APBB1IP: variants seen among roughly 807,000 people sequenced by gnomAD.
APBB1IP encodes amyloid beta precursor protein binding family B member 1 interacting protein.
A neutral mutation model predicts 64.9 loss-of-function variants in APBB1IP; 27 were observed. That is an observed-to-expected ratio of 0.42 (90% CI 0.31 to 0.57). APBB1IP has a LOEUF of 0.57. APBB1IP is among the 20% of genes least tolerant of loss of function. APBB1IP has a pLI of 0.20. For synonymous variants in APBB1IP, 392 were observed against 331.0 expected (o/e 1.18, Z -2.00); for missense variants, 812 against 845.5 (o/e 0.96, Z 0.49).
intron 8 of APBB1IP, among the ~76,000 whole-genome samples, chr10:26,523,339 C>A (rs1836428467): frequency 6.6e-6 from 1 of 152,170 alleles, no homozygotes; most frequent in South Asian, 2.1e-4. Flanking sequence ...TAGGTACCTT[C>A]TATTATGTTG....
At chr10:26,551,235 T>C (rs1564376323) in intron 11 of APBB1IP, among the ~76,000 whole-genome samples, 1 of 152,198 alleles carries the variant, frequency 6.6e-6, no homozygotes, top group Non-Finnish European at 1.5e-5. Flanking sequence ...TTCAGCCCCG[T>C]TGGTACTTGG....
rs537490161 is a variant in APBB1IP, at chr10:26,526,644, G to A, written c.814-6795G>A. 1.8e-4 allele frequency among the ~76,000 whole-genome samples: 28 copies of A among 152,080 alleles called. No homozygotes were observed. In the South Asian group the frequency reaches 3.1e-3, roughly 17 times the overall value. On this transcript the variant is annotated intron_variant, in intron 8 of 14. Coordinates refer to ENST00000376236, the MANE Select transcript of APBB1IP (RefSeq NM_019043.4). The stretch of plus-strand genomic sequence containing the variant: ...TGAGGCAGGAGAATCGCTTGAACCC[G>A]GGAGGCGGAAGTTGCGGTGAGCCGA...
At chr10:26,467,053 A>G (rs1835656380) in intron 2 of APBB1IP, among the ~76,000 whole-genome samples, 1 of 152,172 alleles carries the variant, frequency 6.6e-6, no homozygotes, top group Non-Finnish European at 1.5e-5. Flanking sequence ...TAAATAATAA[A>G]AAGATGTGAT....
chr10:26,447,789 C>T (rs1372526345), intron 2 of APBB1IP, among the ~76,000 whole-genome samples: 3 of 152,162 alleles, frequency 2.0e-5, no homozygotes, highest in Admixed American at 6.5e-5. Context: ...GGCATGATCA[C>T]AGCCACTCCC....
intron 3 of APBB1IP, among the ~76,000 whole-genome samples, chr10:26,493,292 C>T (rs1189890669): frequency 6.6e-6 from 1 of 152,120 alleles, no homozygotes; most frequent in African/African-American, 2.4e-5. Context: ...TTAACGCAAT[C>T]ATCACAGGGT....
chr10:26,477,257 G>C (rs1835786871), intron 2 of APBB1IP, among the ~76,000 whole-genome samples: 1 of 152,188 alleles, frequency 6.6e-6, no homozygotes, highest in African/African-American at 2.4e-5. Context: ...ATGTCACATG[G>C]TCCCATTATT....
At chr10:26,525,957 C>T (rs1005942717) in intron 8 of APBB1IP, among the ~76,000 whole-genome samples, 6 of 152,096 alleles carry the variant, frequency 3.9e-5, no homozygotes, top group Non-Finnish European at 8.8e-5. Flanking sequence ...AGGGTGGGCG[C>T]CTGTCTCACA....
intron 2 of APBB1IP, among the ~76,000 whole-genome samples, chr10:26,461,160 G>A (rs968890150): frequency 4.6e-5 from 7 of 151,750 alleles, no homozygotes; most frequent in African/African-American, 1.7e-4. Flanking sequence ...CGAAGGAAGA[G>A]AGGGAAAGAA....
At chr10:26,561,064 C>CTTTCTTTTTTTTTTTTTTTTTT (rs1218039459) in intron 13 of APBB1IP, among the ~76,000 whole-genome samples, 4 of 69,208 alleles carry the variant, frequency 5.8e-5, no homozygotes, top group Non-Finnish European at 7.6e-5. Context: ...TTCTTTCTTT[C>CTTTCTTTTTTTTTTTTTTTTTT]TTTTTTTTTT....
At chr10:26,507,071 A>T (rs906297672) in intron 6 of APBB1IP, among the ~76,000 whole-genome samples, 1 of 152,146 alleles carries the variant, frequency 6.6e-6, no homozygotes, top group Non-Finnish European at 1.5e-5. Context: ...GGAACTGAGG[A>T]CAGAGAGGCA....
chr10:26,482,880 G>A (rs1835851439), intron 2 of APBB1IP, among the ~76,000 whole-genome samples: 1 of 149,450 alleles, frequency 6.7e-6, no homozygotes, highest in Non-Finnish European at 1.5e-5. Flanking sequence ...GAGGTCAGGT[G>A]TTTGAGACCA....
At position 26,500,883 on chromosome 10, in the gene APBB1IP, A is replaced by T; in HGVS notation, c.225A>T (p.Ile75=). 6.2e-7 allele frequency: 1 copy of T among 1,614,210 alleles called. No homozygotes were observed. Among genetic ancestry groups the T allele is most frequent in the East Asian group, 2.2e-5 (1 of 44,892 alleles). The change falls in exon 5 of 15, where the codon ATA becomes ATT. Residue 75 remains isoleucine (I), a synonymous_variant. Transcript: ENST00000376236. ...DALMADLVAD[I]SEAEQRTIQA... ...TCATGGCAGATCTGGTAGCAGACAT[A>T]AGTGAGGCTGAGCAGAGGACAATCC...
chr10:26,560,668 A>G (rs546285051), intron 12 of APBB1IP, 62 bp from the exon 13 acceptor site: 2 of 1,196,348 alleles, frequency 1.7e-6, no homozygotes, highest in African/African-American at 1.5e-5. Flanking sequence ...GTATATTGCA[A>G]TTGAGTGCAG....
chr10:26,468,451 A>G, intron 2 of APBB1IP, among the ~76,000 whole-genome samples: 1 of 152,184 alleles, frequency 6.6e-6, no homozygotes, highest in East Asian at 1.9e-4. Context: ...ATGAAATCAG[A>G]AGGGAAAAAT....
intron 11 of APBB1IP, among the ~76,000 whole-genome samples, chr10:26,554,462 C>T (rs756195177): frequency 2.0e-5 from 3 of 152,258 alleles, no homozygotes; most frequent in Non-Finnish European, 4.4e-5. Flanking sequence ...GTGCCAATCT[C>T]TGCCTCCCTC....
intron 2 of APBB1IP, among the ~76,000 whole-genome samples, chr10:26,447,475 C>G (rs1159073483): frequency 1.3e-5 from 2 of 151,274 alleles, no homozygotes; most frequent in African/African-American, 4.9e-5. Flanking sequence ...TTTAGCAGTG[C>G]TGAAGCATAA....
rs562042555 is a variant in APBB1IP at position 26,536,774 on chromosome 10, G to A, written c.1044+557G>A. ...GTGCATGCCACCATGCCCAGCTGAT[G>A]TTTCATATTTTTTGTAGAGACGGGG... On this transcript the variant is annotated intron_variant, in intron 10 of 14. Coordinates refer to ENST00000376236, the MANE Select transcript of APBB1IP (RefSeq NM_019043.4). Among the ~76,000 whole-genome samples the A allele has an allele frequency of 3.6e-5, 5 of 137,562 alleles. No individual in the cohort carries two copies. In the South Asian group the frequency reaches 1.1e-3, roughly 31 times the overall value. The allele number at this position is 137,562 out of a possible 152,430, so 90.2% of individuals were successfully genotyped here. A position where few individuals can be genotyped will look rare whatever the true frequency, so the allele number is the denominator to read the frequency against.
At chr10:26,554,549 GGTT>G (rs1242020115) in intron 11 of APBB1IP, among the ~76,000 whole-genome samples, 1 of 152,044 alleles carries the variant, frequency 6.6e-6, no homozygotes, top group African/African-American at 2.4e-5. Flanking sequence ...TCATTTTGGT[GGTT>G]GTTTTTGTTT....
intron 6 of APBB1IP, among the ~76,000 whole-genome samples, chr10:26,505,215 C>A (rs944240176): frequency 1.3e-5 from 2 of 152,176 alleles, no homozygotes; most frequent in African/African-American, 4.8e-5. Flanking sequence ...TCAATACCTG[C>A]CGATGGATGG....
Sources: allele counts gnomAD v4.1 joint callset (sites outside exome capture counted in the v4.1 genomes callset), GRCh38; gene constraint gnomAD v4.1.1; transcripts MANE v1.5; gene names NCBI Gene and HGNC (gene_info 2026-07-23, HGNC 2026-07-21).